ARMH3: variants seen among roughly 807,000 people sequenced by gnomAD.
ARMH3 encodes the protein armadillo-like helical domain-containing protein 3.
In ARMH3, 60 loss-of-function variants were observed where a neutral mutation model predicts 99.1. The ratio of observed to expected loss-of-function variants is 0.61; its 90% confidence interval spans 0.49 to 0.75. The LOEUF is 0.75. ARMH3 is among the 30% of genes least tolerant of loss of function. ARMH3 has a pLI of 0.00. For synonymous variants in ARMH3, 285 were observed against 292.8 expected, an observed-to-expected ratio of 0.97 and a Z score of 0.27; for missense variants, 679 against 843.1, an observed-to-expected ratio of 0.81 and a Z score of 2.41.
intron 8 of ARMH3, among the ~76,000 whole-genome samples, chr10:102,023,155 C>A (rs2066924211): frequency 6.7e-6 from 1 of 149,814 alleles, no homozygotes; most frequent in African/African-American, 2.5e-5. Flanking sequence ...CCATTGCACT[C>A]CAGCCTGGGC....
At chr10:102,029,615 C>G (rs1421618006) in intron 5 of ARMH3, 23 bp downstream of exon 5, 4 of 1,614,124 alleles carry the variant, frequency 2.5e-6, no homozygotes, top group Non-Finnish European at 3.4e-6. Context: ...CATCCACAGG[C>G]ACATCTGCAG....
chr10:101,966,326 G>C (rs1845544191), intron 20 of ARMH3, among the ~76,000 whole-genome samples: 1 of 129,862 alleles, frequency 7.7e-6, no homozygotes, highest in Non-Finnish European at 1.6e-5. Context: ...AGACAGGCTG[G>C]AGTGCAATGG....
chr10:102,036,974 C>A (rs2067292880), intron 2 of ARMH3, among the ~76,000 whole-genome samples: 1 of 151,428 alleles, frequency 6.6e-6, no homozygotes, highest in Admixed American at 6.6e-5. Context: ...ATTGCTTGAA[C>A]CCAGGAGGTG....
intron 24 of ARMH3, among the ~76,000 whole-genome samples, chr10:101,875,756 A>C (rs1465733692): frequency 2.0e-5 from 3 of 152,200 alleles, no homozygotes; most frequent in Admixed American, 1.3e-4. Flanking sequence ...AAGGGTGGTG[A>C]CATGACTTTA....
chr10:102,033,038 G>C lies in ARMH3; in HGVS notation c.294C>G (p.Val98=), dbSNP rs767054746. ...ALGEEHPIRV[V]NALQTLCALI... ...CCCAGCCTTGTACCTGCAATGCATT[G>C]ACAACCCGAATTGGATGCTCCTCTC... is the stretch of plus-strand genomic sequence containing the variant. The change falls in exon 4 of 26, where the codon GTC becomes GTG. Residue 98 remains valine, a synonymous_variant. Transcript: ENST00000370033. 1 of 1,614,050 alleles carries C rather than the reference G, an allele frequency of 6.2e-7. No individual in the cohort carries two copies. Among genetic ancestry groups the C allele is most frequent in the Non-Finnish European group, 8.5e-7 (1 of 1,179,992 alleles).
At chr10:101,955,461 A>G (rs1279558887) in intron 22 of ARMH3, among the ~76,000 whole-genome samples, 1 of 152,202 alleles carries the variant, frequency 6.6e-6, no homozygotes. Flanking sequence ...CATTATAGCA[A>G]AGGTTCTCTT....
chr10:101,884,527 CA>C (rs1437010085), intron 24 of ARMH3, among the ~76,000 whole-genome samples: 1 of 152,144 alleles, frequency 6.6e-6, no homozygotes, highest in African/African-American at 2.4e-5. Flanking sequence ...CTTAGAAAAG[CA>C]AGTTGTATCT....
intron 24 of ARMH3, among the ~76,000 whole-genome samples, chr10:101,852,227 A>G (rs954757079): frequency 3.9e-5 from 6 of 152,228 alleles, no homozygotes; most frequent in Non-Finnish European, 8.8e-5. Flanking sequence ...ACTGCATATG[A>G]AGAGATGGCT....
chr10:102,009,560 T>C (rs2066583561), intron 12 of ARMH3, 111 bp from the exon 13 acceptor site: 7 of 963,740 alleles, frequency 7.3e-6, no homozygotes, highest in Non-Finnish European at 9.7e-6. Context: ...ATCAATTCCT[T>C]TGCATTTCTA....
At chr10:101,863,160 G>A (rs773407281) in intron 24 of ARMH3, among the ~76,000 whole-genome samples, 10 of 152,180 alleles carry the variant, frequency 6.6e-5, no homozygotes, top group Non-Finnish European at 1.3e-4. Context: ...CCAAGATCAC[G>A]CCACTGCACT....
intron 23 of ARMH3, among the ~76,000 whole-genome samples, chr10:101,932,426 G>A (rs573779851): frequency 6.6e-6 from 1 of 152,302 alleles, no homozygotes; most frequent in Admixed American, 6.5e-5. Context: ...ATACCCAAAA[G>A]AAATGAAAGC....
chr10:101,906,790 G>A (rs1842651632), intron 23 of ARMH3, among the ~76,000 whole-genome samples: 1 of 152,150 alleles, frequency 6.6e-6, no homozygotes, highest in Non-Finnish European at 1.5e-5. Context: ...ACGTTCAAGA[G>A]GCAAGACCAT....
At chr10:101,923,969 A>G (rs1843403252) in intron 23 of ARMH3, among the ~76,000 whole-genome samples, 1 of 152,240 alleles carries the variant, frequency 6.6e-6, no homozygotes, top group South Asian at 2.1e-4. Flanking sequence ...GCCATTTCAT[A>G]TAACAGCAGG....
Position 101,972,803 on chromosome 10 carries a change from T to C in ARMH3, c.1495+2409A>G, listed in dbSNP as rs551851228. Among the ~76,000 whole-genome samples, 3 of 152,304 alleles carry C rather than the reference T, an allele frequency of 2.0e-5. No individual in the cohort carries two copies. The East Asian group carries it at 5.8e-4, about 29-fold the overall frequency. On this transcript the variant is annotated intron_variant, in intron 20 of 25. Coordinates refer to ENST00000370033, the MANE Select transcript of ARMH3 (RefSeq NM_024541.3). ...AGCAGAGAACTCCAGTACAAATGTC[T>C]AGATGCCTTCGCGACAAGCAATGGT... is the stretch of plus-strand genomic sequence containing the variant.
chr10:101,990,032 T>G (rs959074448), intron 19 of ARMH3, among the ~76,000 whole-genome samples: 1 of 152,232 alleles, frequency 6.6e-6, no homozygotes, highest in African/African-American at 2.4e-5. Context: ...CTAGAAGTGA[T>G]CATGCGGATA....
At position 101,847,413 on chromosome 10, in the gene ARMH3, T is replaced by C. The variant is rs117121775; in HGVS notation, c.*115A>G. The C allele has an allele frequency of 5.3e-5, 55 of 1,036,704 alleles. No homozygotes were observed. Among genetic ancestry groups the C allele is most frequent in the Non-Finnish European group, 7.9e-5 (53 of 673,706 alleles). The allele number at this position is 1,036,704 out of a possible 1,614,324, so 64.2% of individuals were successfully genotyped here. On this transcript the variant is annotated 3_prime_UTR_variant, in exon 26 of 26. Coordinates refer to ENST00000370033, the MANE Select transcript of ARMH3 (RefSeq NM_024541.3). Reference sequence around the variant, plus strand: ...GAAGTGCGGTCTTCACCAAGAGAACTTGGTATCTGTGTTTCTCTCCAACCT... The same window carrying C: ...GAAGTGCGGTCTTCACCAAGAGAACCTGGTATCTGTGTTTCTCTCCAACCT...
intron 14 of ARMH3, among the ~76,000 whole-genome samples, chr10:102,005,886 C>T (rs2066473038): frequency 6.6e-6 from 1 of 152,214 alleles, no homozygotes; most frequent in South Asian, 2.1e-4. Flanking sequence ...TTATAATACA[C>T]TCAAAGCCTG....
chr10:102,019,754 C>T (rs1014893259), intron 8 of ARMH3, among the ~76,000 whole-genome samples: 7 of 151,542 alleles, frequency 4.6e-5, no homozygotes, highest in African/African-American at 1.7e-4. Context: ...GGTGAAACCC[C>T]GTCTCTACTA....
intron 20 of ARMH3, among the ~76,000 whole-genome samples, chr10:101,973,588 G>A (rs956321141): frequency 2.0e-5 from 3 of 152,078 alleles, no homozygotes; most frequent in African/African-American, 7.2e-5. Flanking sequence ...AGACCAGAAC[G>A]AAGAATAGAA....
Sources: allele counts gnomAD v4.1 joint callset (sites outside exome capture counted in the v4.1 genomes callset), GRCh38; gene constraint gnomAD v4.1.1; transcripts MANE v1.5; gene names NCBI Gene and HGNC (gene_info 2026-07-23, HGNC 2026-07-21).